The following RAB6A variants were observed in gnomAD, a reference collection of about 807,000 sequenced individuals.
The protein encoded by RAB6A is ras-related protein Rab-6A.
Under a neutral mutation model 32.3 loss-of-function variants are expected in RAB6A, and 8 were observed. The observed-to-expected ratio is 0.25, with a 90% CI of 0.15 to 0.45. The LOEUF (loss-of-function observed/expected upper bound fraction) is 0.45, where lower values mean the gene tolerates loss of function less well. Among genes scored for constraint, RAB6A ranks in the 20% least tolerant of loss-of-function variants. The pLI is 1.00. For synonymous variants in RAB6A, 73 were observed against 82.1 expected, an observed-to-expected ratio of 0.89 and a Z score of 0.60; for missense variants, 104 against 249.4, an observed-to-expected ratio of 0.42 and a Z score of 3.93.
intron 1 of RAB6A, among the ~76,000 whole-genome samples, chr11:73,731,633 T>C (rs946805834): frequency 7.0e-6 from 1 of 143,490 alleles, no homozygotes; most frequent in Non-Finnish European, 1.5e-5. Context: ...TGGCAAAGAA[T>C]TACCAAAGAT....
At chr11:73,685,593 T>TCTTTTTTTTTTTTTTTTTTTTTTTA in intron 6 of RAB6A, among the ~76,000 whole-genome samples, 1 of 146,968 alleles carries the variant, frequency 6.8e-6, no homozygotes. Flanking sequence ...GGACTGAAAG[T>TCTTTTTTTTTTTTTTTTTTTTTTTA]AGCGACCAGG....
intron 1 of RAB6A, among the ~76,000 whole-genome samples, chr11:73,751,338 C>T (rs868667): frequency 0.48 from 73,315 of 151,918 alleles, 19,059 homozygotes; most frequent in East Asian, 0.6. Flanking sequence ...TGTTGGTTCT[C>T]GGAAAATCTG....
At chr11:73,757,098 C>CATAT (rs1170100550) in intron 1 of RAB6A, among the ~76,000 whole-genome samples, 420 of 37,622 alleles carry the variant, frequency 0.011, 6 homozygotes, top group Middle Eastern at 0.026. Flanking sequence ...AATATACATA[C>CATAT]ATATATATAT....
intron 1 of RAB6A, among the ~76,000 whole-genome samples, chr11:73,735,290 T>C (rs1239649372): frequency 2.0e-5 from 3 of 152,210 alleles, no homozygotes; most frequent in African/African-American, 7.2e-5. Flanking sequence ...TAGGGCTCAA[T>C]CTTTGAAACT....
chr11:73,689,225 C>A (rs1375069816), intron 6 of RAB6A, among the ~76,000 whole-genome samples: 1 of 152,170 alleles, frequency 6.6e-6, no homozygotes, highest in African/African-American at 2.4e-5. Context: ...TCCTGTAAGA[C>A]AATTTTTCCA....
intron 2 of RAB6A, chr11:73,722,325 A>G (rs1375195663): frequency 0.015 from 263 of 17,700 alleles, 8 homozygotes; most frequent in African/African-American, 0.041. Flanking sequence ...ATATATATAT[A>G]TATATATATA....
intron 1 of RAB6A, among the ~76,000 whole-genome samples, chr11:73,749,687 T>A (rs990964200): frequency 1.3e-5 from 2 of 152,022 alleles, no homozygotes; most frequent in Non-Finnish European, 2.9e-5. Flanking sequence ...CAAAGCAAGA[T>A]CTATCTCTAT....
chr11:73,686,542 G>A (rs1182027418), intron 6 of RAB6A, among the ~76,000 whole-genome samples: 2 of 152,066 alleles, frequency 1.3e-5, no homozygotes, highest in East Asian at 1.9e-4. Context: ...ATGACAGAGT[G>A]AGACTCTGTC....
intron 6 of RAB6A, among the ~76,000 whole-genome samples, chr11:73,702,860 A>T (rs78854110): frequency 0.02 from 2,916 of 147,482 alleles, 84 homozygotes; most frequent in African/African-American, 0.063. Flanking sequence ...ATATATTATT[A>T]TTTTTTTTTT....
chr11:73,678,071 ACACT>A lies in RAB6A; in HGVS notation c.563-113_563-110del, dbSNP rs1417746936. On this transcript the variant is annotated intron_variant, in intron 7 of 7. Transcript: ENST00000336083. ...ATTCCTATCTGTCTTCAGAGCCTAC[ACACT>A]CACTATTTTCTACATAGCCGCCTCA... The A allele has an allele frequency of 5.3e-4, 596 of 1,120,406 alleles. 3 individuals carry two copies. Among genetic ancestry groups the A allele is most frequent in the Non-Finnish European group, 7.0e-4 (527 of 750,948 alleles). 69.4% of individuals were successfully genotyped at this position (1,120,406 alleles called of 1,614,324 possible).
intron 1 of RAB6A, among the ~76,000 whole-genome samples, chr11:73,759,778 G>A (rs1445260626): frequency 6.6e-6 from 1 of 152,198 alleles, no homozygotes; most frequent in Non-Finnish European, 1.5e-5. Flanking sequence ...AAATGATCAT[G>A]ACATAGCATC....
At chr11:73,691,237 T>C (rs939203797) in intron 6 of RAB6A, among the ~76,000 whole-genome samples, 1 of 152,190 alleles carries the variant, frequency 6.6e-6, no homozygotes, top group Non-Finnish European at 1.5e-5. Flanking sequence ...TGTGGGGTCA[T>C]CCTGGTGGGA....
chr11:73,733,657 T>C (rs1465087048), intron 1 of RAB6A, among the ~76,000 whole-genome samples: 2 of 151,986 alleles, frequency 1.3e-5, no homozygotes, highest in Non-Finnish European at 2.9e-5. Context: ...TATCCTAACA[T>C]GTAAAATTGT....
chr11:73,706,513 CAA>C (rs11287642), intron 6 of RAB6A, among the ~76,000 whole-genome samples: 75 of 140,686 alleles, frequency 5.3e-4, no homozygotes, highest in Middle Eastern at 3.6e-3. Context: ...GACTCCATCT[CAA>C]AAAAAAAAAA....
intron 6 of RAB6A, among the ~76,000 whole-genome samples, chr11:73,702,838 T>A (rs1251438263): frequency 6.6e-6 from 1 of 151,862 alleles, no homozygotes; most frequent in Non-Finnish European, 1.5e-5. Context: ...TAAATGTTTA[T>A]CTCAATTTTA....
chr11:73,735,587 T>C (rs1258977586), intron 1 of RAB6A, among the ~76,000 whole-genome samples: 1 of 152,122 alleles, frequency 6.6e-6, no homozygotes, highest in Non-Finnish European at 1.5e-5. Context: ...GAAGGAGACT[T>C]TAGCTAGAAG....
intron 1 of RAB6A, among the ~76,000 whole-genome samples, chr11:73,740,624 C>T (rs1361446022): frequency 6.6e-6 from 1 of 151,754 alleles, no homozygotes; most frequent in Non-Finnish European, 1.5e-5. Flanking sequence ...AGCAGCGGCT[C>T]ACGCCGGTAA....
intron 4 of RAB6A, among the ~76,000 whole-genome samples, chr11:73,716,756 G>A (rs1946060379): frequency 6.6e-6 from 1 of 152,162 alleles, no homozygotes; most frequent in African/African-American, 2.4e-5. Context: ...ATTTTCCAAA[G>A]TATGTCAGCC....
chr11:73,746,180 C>G (rs1946585568), intron 1 of RAB6A, among the ~76,000 whole-genome samples: 2 of 150,776 alleles, frequency 1.3e-5, no homozygotes, highest in Admixed American at 1.3e-4. Flanking sequence ...AAAAAAAAAG[C>G]TGTTGTAAGC....
Sources: allele counts gnomAD v4.1 joint callset (sites outside exome capture counted in the v4.1 genomes callset), GRCh38; gene constraint gnomAD v4.1.1; transcripts MANE v1.5; gene names NCBI Gene and HGNC (gene_info 2026-07-23, HGNC 2026-07-21).